KCNMA1: variants seen among roughly 807,000 people sequenced by gnomAD.
KCNMA1 encodes the protein potassium calcium-activated channel subfamily M alpha 1, also known as Calcium-activated potassium channel subunit alpha-1.
Under a neutral mutation model 140.0 loss-of-function variants are expected in KCNMA1, and 29 were observed. The observed-to-expected ratio is 0.21, with a 90% CI of 0.15 to 0.28. The LOEUF is 0.28. Among genes scored for constraint, KCNMA1 ranks in the 10% least tolerant of loss-of-function variants. KCNMA1 has a pLI of 1.00. For synonymous variants in KCNMA1, 612 were observed against 611.9 expected, an observed-to-expected ratio of 1.00 and a Z score of 0.00; for missense variants, 880 against 1,602.2, an observed-to-expected ratio of 0.55 and a Z score of 7.70.
chr10:76,901,743 G>A (rs891715303), intron 25 of KCNMA1: 4 of 152,196 alleles, frequency 2.6e-5, no homozygotes, highest in African/African-American at 9.6e-5. Flanking sequence ...GAGCATAATT[G>A]TCTGCTCTCT....
At chr10:77,137,358 T>G (rs2574795) in intron 5 of KCNMA1, among the ~76,000 whole-genome samples, 1 of 152,268 alleles carries the variant, frequency 6.6e-6, no homozygotes, top group Non-Finnish European at 1.5e-5. Flanking sequence ...GTTTCCAATC[T>G]CTGCAGCCCC....
At chr10:77,469,198 A>T (rs7904387) in intron 1 of KCNMA1, among the ~76,000 whole-genome samples, 35,668 of 151,780 alleles carry the variant, frequency 0.23, 4,375 homozygotes, top group African/African-American at 0.31. Context: ...GAACCCCGCT[A>T]CTCCTTGGTT....
intron 2 of KCNMA1, among the ~76,000 whole-genome samples, chr10:77,252,085 T>G (rs1392586171): frequency 6.6e-6 from 1 of 152,222 alleles, no homozygotes; most frequent in South Asian, 2.1e-4. Flanking sequence ...TGTCCTACTT[T>G]ACACTCTTCA....
intron 21 of KCNMA1, among the ~76,000 whole-genome samples, chr10:76,951,316 A>G (rs1229559657): frequency 3.3e-5 from 5 of 152,124 alleles, no homozygotes. Flanking sequence ...CCGGGTTTAA[A>G]GCACACTAGA....
intron 14 of KCNMA1, among the ~76,000 whole-genome samples, chr10:77,050,029 C>G (rs996868024): frequency 1.3e-5 from 2 of 152,144 alleles, no homozygotes; most frequent in Non-Finnish European, 2.9e-5. Flanking sequence ...GTTATTCCTA[C>G]TAGCTAGAAG....
chr10:77,450,929 C>G (rs954594971), intron 1 of KCNMA1, among the ~76,000 whole-genome samples: 5 of 152,204 alleles, frequency 3.3e-5, no homozygotes, highest in South Asian at 4.1e-4. Flanking sequence ...GAATAGGTCT[C>G]ATGAGATCTG....
intron 1 of KCNMA1, among the ~76,000 whole-genome samples, chr10:77,472,633 A>T (rs767448314): frequency 1.3e-5 from 2 of 152,242 alleles, no homozygotes; most frequent in Non-Finnish European, 1.5e-5. Context: ...GATAGCTCCT[A>T]TAAAACATCT....
intron 25 of KCNMA1, among the ~76,000 whole-genome samples, chr10:76,908,924 A>G (rs1322429484): frequency 6.6e-6 from 1 of 152,252 alleles, no homozygotes. Flanking sequence ...GCAGTGAAAG[A>G]TGGCTCCATA....
At chr10:77,611,382 G>A (rs1188238108) in intron 1 of KCNMA1, among the ~76,000 whole-genome samples, 1 of 152,194 alleles carries the variant, frequency 6.6e-6, no homozygotes, top group Non-Finnish European at 1.5e-5. Context: ...AAGGCCAACT[G>A]TAAGGAGAGC....
chr10:77,347,618 C>T (rs11002132), intron 2 of KCNMA1, among the ~76,000 whole-genome samples: 20,317 of 152,084 alleles, frequency 0.13, 1,779 homozygotes, highest in African/African-American at 0.24. Flanking sequence ...GCTTCACCTC[C>T]TTCCTCCATA....
intron 5 of KCNMA1, among the ~76,000 whole-genome samples, chr10:77,136,072 T>C (rs1231286948): frequency 3.3e-5 from 5 of 152,226 alleles, no homozygotes; most frequent in Non-Finnish European, 7.4e-5. Flanking sequence ...TATAATTCCA[T>C]TGTGGAATTA....
intron 1 of KCNMA1, among the ~76,000 whole-genome samples, chr10:77,574,459 A>C (rs1171271383): frequency 6.6e-6 from 1 of 152,098 alleles, no homozygotes; most frequent in Non-Finnish European, 1.5e-5. Context: ...CATCCTGTGG[A>C]TTGTTTTTTC....
chr10:77,558,398 A>G (rs1303516890), intron 1 of KCNMA1, among the ~76,000 whole-genome samples: 3 of 152,174 alleles, frequency 2.0e-5, no homozygotes, highest in Non-Finnish European at 4.4e-5. Context: ...TGATCCTGGT[A>G]CAGGGAGAGG....
chr10:77,591,983 T>C (rs749239047), intron 1 of KCNMA1, among the ~76,000 whole-genome samples: 1 of 152,148 alleles, frequency 6.6e-6, no homozygotes, highest in African/African-American at 2.4e-5. Context: ...GCTCCACTAA[T>C]GCCTGGGAGT....
chr10:76,954,217 C>T (rs1007604682), intron 20 of KCNMA1, among the ~76,000 whole-genome samples: 4 of 151,902 alleles, frequency 2.6e-5, no homozygotes, highest in African/African-American at 7.3e-5. Context: ...CTTTTTAAGG[C>T]TACCTCACTC....
chr10:76,940,134 C>T (rs79524360), intron 23 of KCNMA1, among the ~76,000 whole-genome samples: 5,498 of 152,302 alleles, frequency 0.036, 282 homozygotes, highest in African/African-American at 0.11. Flanking sequence ...ATTAAAACTG[C>T]ATCTCATAGA....
intron 5 of KCNMA1, among the ~76,000 whole-genome samples, chr10:77,175,788 C>T (rs1438474225): frequency 6.6e-6 from 1 of 152,148 alleles, no homozygotes; most frequent in Non-Finnish European, 1.5e-5. Flanking sequence ...CAAGAAGATG[C>T]AGCTAGCAGC....
chr10:77,070,542 T>G (rs2096157517), intron 14 of KCNMA1, among the ~76,000 whole-genome samples: 1 of 152,180 alleles, frequency 6.6e-6, no homozygotes, highest in Admixed American at 6.5e-5. Context: ...GCCTCACCCC[T>G]TCTTTGTCCA....
intron 6 of KCNMA1, 31 bp from the exon 7 acceptor site, chr10:77,112,473 C>T (rs762920369): frequency 8.2e-6 from 13 of 1,576,022 alleles, no homozygotes; most frequent in Admixed American, 5.0e-5. Flanking sequence ...AAAATCCCCA[C>T]GTTACCAAGG....
Sources: gnomAD v4.1 joint callset for allele counts (sites outside exome capture counted in the v4.1 genomes callset) on GRCh38, gnomAD v4.1.1 for gene constraint, MANE v1.5 for transcripts, NCBI Gene and HGNC (gene_info 2026-07-23, HGNC 2026-07-21) for gene names.